Variants in CPNE4 observed in about 807,000 individuals in gnomAD.
CPNE4 encodes copine-4.
A neutral mutation model predicts 67.9 loss-of-function variants in CPNE4; 25 were observed. The ratio of observed to expected loss-of-function variants is 0.37; its 90% CI spans 0.27 to 0.51. The LOEUF is 0.51. Ranked by LOEUF, CPNE4 falls within the 20% of genes least tolerant of loss-of-function variation. The pLI, the probability that CPNE4 is intolerant of heterozygous loss-of-function variation, is 0.93. For synonymous variants in CPNE4, 242 were observed against 244.9 expected (o/e 0.99, Z 0.11); for missense variants, 464 against 690.8 (o/e 0.67, Z 3.68).
At position 131,717,079 on chromosome 3, in the gene CPNE4, G is replaced by A. The variant is rs74616129; in HGVS notation, c.360+6367C>T. ...TTTCTTTTTGCTTGATCATACTGGA[G>A]AGGAGCAATTTAGCGAAAAGAGCAA... is the stretch of plus-strand genomic sequence containing the variant. On this transcript the variant is annotated intron_variant, in intron 3 of 15. Transcript: ENST00000429747. Among the ~76,000 whole-genome samples, 871 of 152,308 alleles carry A rather than the reference G, an allele frequency of 5.7e-3. 8 individuals are homozygous for A. The highest frequency in any genetic ancestry group is 0.019 in the African/African-American group (792 of 41,552).
chr3:131,997,870 G>C (rs1448233291), intron 1 of CPNE4, among the ~76,000 whole-genome samples: 1 of 152,020 alleles, frequency 6.6e-6, no homozygotes, highest in Non-Finnish European at 1.5e-5. Context: ...TTTTTGAGTC[G>C]GAGAGTGGCA....
At chr3:131,657,588 G>A (rs1164380838) in intron 7 of CPNE4, among the ~76,000 whole-genome samples, 2 of 146,112 alleles carry the variant, frequency 1.4e-5, no homozygotes, top group African/African-American at 2.6e-5. Flanking sequence ...AGGCTGGAGA[G>A]CAGTGGTGTG....
chr3:131,767,924 T>C (rs1270377461), intron 2 of CPNE4, among the ~76,000 whole-genome samples: 1 of 152,044 alleles, frequency 6.6e-6, no homozygotes, highest in Non-Finnish European at 1.5e-5. Flanking sequence ...ACTGTCTGGG[T>C]CTTAGGCTTT....
chr3:131,903,253 C>T (rs938237780), intron 2 of CPNE4, among the ~76,000 whole-genome samples: 5 of 152,082 alleles, frequency 3.3e-5, no homozygotes, highest in Admixed American at 1.3e-4. Flanking sequence ...GTGCTCTGAT[C>T]AGCATGGCTT....
At chr3:131,756,006 A>G (rs1208952065) in intron 2 of CPNE4, among the ~76,000 whole-genome samples, 1 of 152,174 alleles carries the variant, frequency 6.6e-6, no homozygotes, top group Non-Finnish European at 1.5e-5. Context: ...TCCATTTATT[A>G]TCATCCACCA....
chr3:131,999,241 T>TAAAAAA (rs79127364), intron 1 of CPNE4, among the ~76,000 whole-genome samples: 34 of 98,800 alleles, frequency 3.4e-4, no homozygotes, highest in African/African-American at 5.4e-4. Flanking sequence ...TTATCCAAGG[T>TAAAAAA]AAAAAAAAAA....
intron 2 of CPNE4, among the ~76,000 whole-genome samples, chr3:131,888,111 C>G (rs909909983): frequency 6.6e-6 from 1 of 152,180 alleles, no homozygotes; most frequent in African/African-American, 2.4e-5. Context: ...TGTGTTCTGC[C>G]TAAAATCCTG....
chr3:131,830,918 T>C (rs938157179), intron 2 of CPNE4, among the ~76,000 whole-genome samples: 6 of 152,044 alleles, frequency 3.9e-5, no homozygotes, highest in African/African-American at 1.4e-4. Context: ...GGTACAAAGA[T>C]ACAAGGAAAG....
chr3:131,775,932 A>T (rs1171611263), intron 2 of CPNE4, among the ~76,000 whole-genome samples: 4 of 152,202 alleles, frequency 2.6e-5, no homozygotes, highest in African/African-American at 9.6e-5. Context: ...GAAATGCACC[A>T]GTTTAAAGAG....
intron 1 of CPNE4, among the ~76,000 whole-genome samples, chr3:131,941,190 C>T (rs2071374469): frequency 6.6e-6 from 1 of 151,950 alleles, no homozygotes; most frequent in Non-Finnish European, 1.5e-5. Context: ...TTGTTAAATA[C>T]AACCATTAAT....
chr3:131,601,362 T>C (rs1939197091), intron 7 of CPNE4, among the ~76,000 whole-genome samples: 1 of 152,020 alleles, frequency 6.6e-6, no homozygotes, highest in South Asian at 2.1e-4. Context: ...GACAGTTTCA[T>C]CCCTCAAGAT....
intron 9 of CPNE4, among the ~76,000 whole-genome samples, chr3:131,577,907 T>A (rs1937589521): frequency 6.6e-6 from 1 of 152,182 alleles, no homozygotes; most frequent in South Asian, 2.1e-4. Flanking sequence ...CATGACTGTA[T>A]ATATACATAA....
At chr3:131,842,532 G>T (rs932030284) in intron 2 of CPNE4, among the ~76,000 whole-genome samples, 1 of 152,094 alleles carries the variant, frequency 6.6e-6, no homozygotes, top group Non-Finnish European at 1.5e-5. Flanking sequence ...CCTTGAGAGG[G>T]GAGAATCACT....
At chr3:131,857,691 G>T (rs924163083) in intron 2 of CPNE4, among the ~76,000 whole-genome samples, 7 of 152,058 alleles carry the variant, frequency 4.6e-5, no homozygotes, top group African/African-American at 1.7e-4. Context: ...CTAAGAAAGG[G>T]TCAATGAAAG....
At chr3:131,922,232 T>C (rs2070759271) in intron 1 of CPNE4, among the ~76,000 whole-genome samples, 1 of 152,210 alleles carries the variant, frequency 6.6e-6, no homozygotes, top group Admixed American at 6.5e-5. Flanking sequence ...TGCATTCATG[T>C]TGCTACAAAG....
chr3:131,570,537 G>A (rs898045980), intron 10 of CPNE4, among the ~76,000 whole-genome samples: 3 of 151,904 alleles, frequency 2.0e-5, no homozygotes, highest in Non-Finnish European at 1.5e-5. Context: ...TGTATTTTGT[G>A]TGTGAAATTC....
intron 2 of CPNE4, among the ~76,000 whole-genome samples, chr3:131,884,247 A>G (rs1280664224): frequency 6.6e-6 from 1 of 152,230 alleles, no homozygotes; most frequent in Admixed American, 6.5e-5. Context: ...GTGCACCACT[A>G]TGGACTGGTA....
At chr3:131,869,778 C>T (rs920391484) in intron 2 of CPNE4, among the ~76,000 whole-genome samples, 1 of 152,120 alleles carries the variant, frequency 6.6e-6, no homozygotes, top group East Asian at 1.9e-4. Context: ...AAGAATCCTG[C>T]TTTTATTAAT....
At chr3:131,555,417 T>A in intron 12 of CPNE4, 80 bp downstream of exon 12, 1 of 1,241,274 alleles carries the variant, frequency 8.1e-7, no homozygotes, top group Non-Finnish European at 1.2e-6. Flanking sequence ...GAGTCAGGAG[T>A]GTGAGACTGC....
Sources: gnomAD v4.1 joint callset for allele counts (sites outside exome capture counted in the v4.1 genomes callset) on GRCh38, gnomAD v4.1.1 for gene constraint, MANE v1.5 for transcripts, NCBI Gene and HGNC (gene_info 2026-07-23, HGNC 2026-07-21) for gene names.